Variants in NALF1 observed in about 807,000 individuals in gnomAD.
NALF1 encodes the protein NALCN channel auxiliary factor 1, also known as family with sequence similarity 155 member A.
NALF1 carries 3 observed loss-of-function variants against 48.4 expected under a neutral mutation model. The ratio of observed to expected loss-of-function variants is 0.06; its 90% confidence interval spans 0.03 to 0.16. The LOEUF is 0.16. Ranked by LOEUF, NALF1 falls within the 10% of genes least tolerant of loss-of-function variation. The pLI is 1.00. For synonymous variants in NALF1, 262 were observed against 245.7 expected, an observed-to-expected ratio of 1.07 and a Z score of -0.62; for missense variants, 526 against 571.5, an observed-to-expected ratio of 0.92 and a Z score of 0.81.
intron 1 of NALF1, among the ~76,000 whole-genome samples, chr13:107,447,287 G>A (rs1295695977): frequency 1.3e-5 from 2 of 151,740 alleles, no homozygotes; most frequent in Non-Finnish European, 2.9e-5. Flanking sequence ...AAGATCACTC[G>A]ATAATCTGGC....
intron 1 of NALF1, among the ~76,000 whole-genome samples, chr13:107,318,787 T>TA (rs2138911587): frequency 6.6e-6 from 1 of 152,200 alleles, no homozygotes; most frequent in African/African-American, 2.4e-5. Context: ...AGCAAAAAGA[T>TA]AGGGGCAAAC....
chr13:107,550,310 T>A (rs1362881383), intron 1 of NALF1, among the ~76,000 whole-genome samples: 3 of 152,172 alleles, frequency 2.0e-5, no homozygotes, highest in Non-Finnish European at 4.4e-5. Context: ...GGCTAAGGAC[T>A]TCTCTGTGCT....
Position 107,183,196 on chromosome 13 carries a change from C to T in NALF1, c.1088-12410G>A, listed in dbSNP as rs538146658. 4.5e-4 allele frequency among the ~76,000 whole-genome samples: 68 copies of T among 152,276 alleles called. 1 individual carries two copies. The South Asian group carries it at 0.014, about 31-fold the overall frequency. ...ATTTGCTGGGTCCCAGCGACACACC[C>T]CTGGGGGAACAAGTCCAGTTGGCTT... On this transcript the variant is annotated intron_variant, in intron 2 of 2. Transcript: ENST00000375915.
intron 1 of NALF1, among the ~76,000 whole-genome samples, chr13:107,488,220 C>T (rs1031664453): frequency 9.4e-5 from 14 of 148,388 alleles, no homozygotes; most frequent in African/African-American, 3.0e-4. Flanking sequence ...AAAAAAAAAA[C>T]ACCTCCTGAA....
chr13:107,381,206 T>A (rs1883433314), intron 1 of NALF1, among the ~76,000 whole-genome samples: 1 of 138,196 alleles, frequency 7.2e-6, no homozygotes, highest in African/African-American at 2.7e-5. Flanking sequence ...AAAATAGAGT[T>A]TTTTTTTTTT....
intron 1 of NALF1, among the ~76,000 whole-genome samples, chr13:107,271,153 T>C (rs1881156689): frequency 6.6e-6 from 1 of 152,176 alleles, no homozygotes; most frequent in Admixed American, 6.5e-5. Flanking sequence ...ACCACTGATG[T>C]TACTCTCAAG....
intron 1 of NALF1, among the ~76,000 whole-genome samples, chr13:107,359,898 C>T (rs1023851549): frequency 5.9e-5 from 9 of 152,132 alleles, no homozygotes; most frequent in Non-Finnish European, 1.2e-4. Flanking sequence ...TAGTATGCCA[C>T]ATCAGTTCTA....
At chr13:107,482,749 A>C (rs1249749272) in intron 1 of NALF1, among the ~76,000 whole-genome samples, 1 of 152,176 alleles carries the variant, frequency 6.6e-6, no homozygotes, top group African/African-American at 2.4e-5. Context: ...CATACACAGA[A>C]GGGAAACTGT....
chr13:107,838,543 A>T (rs1056133081), intron 1 of NALF1, among the ~76,000 whole-genome samples: 2 of 152,172 alleles, frequency 1.3e-5, no homozygotes, highest in Admixed American at 6.5e-5. Flanking sequence ...CGTACGTAAC[A>T]GGTAACTGGC....
intron 1 of NALF1, among the ~76,000 whole-genome samples, chr13:107,292,037 T>C (rs1193062333): frequency 1.3e-5 from 2 of 152,198 alleles, no homozygotes; most frequent in Non-Finnish European, 2.9e-5. Context: ...AGCACATTGT[T>C]GGGAATTCCA....
At position 107,521,515 on chromosome 13, in the gene NALF1, C is replaced by T. The variant is rs2794402; in HGVS notation, c.916-310760G>A. On this transcript the variant is annotated intron_variant, in intron 1 of 2. Transcript: ENST00000375915. ...CATACAAAACGGTATATTAAGTTGA[C>T]TATTATATCCCCCCTTATAAAGCAC... is the stretch of plus-strand genomic sequence containing the variant. Among the ~76,000 whole-genome samples, 1,067 of 152,214 alleles carry T rather than the reference C, an allele frequency of 7.0e-3. 18 individuals carry two copies. The highest frequency in any genetic ancestry group is 0.024 in the African/African-American group (1,006 of 41,540).
chr13:107,555,987 AATT>A (rs1198113848), intron 1 of NALF1, among the ~76,000 whole-genome samples: 1 of 152,112 alleles, frequency 6.6e-6, no homozygotes, highest in Non-Finnish European at 1.5e-5. Flanking sequence ...TTTACTATAA[AATT>A]ATTATTGAAT....
intron 1 of NALF1, among the ~76,000 whole-genome samples, chr13:107,380,818 A>G (rs1883422998): frequency 6.6e-6 from 1 of 151,652 alleles, no homozygotes; most frequent in Non-Finnish European, 1.5e-5. Context: ...CTCTACTAAA[A>G]ATACAAAAAA....
At chr13:107,723,691 G>A (rs1445666534) in intron 1 of NALF1, among the ~76,000 whole-genome samples, 1 of 152,114 alleles carries the variant, frequency 6.6e-6, no homozygotes, top group Non-Finnish European at 1.5e-5. Flanking sequence ...CTTTCTTAAC[G>A]ACCTCTTACA....
intron 1 of NALF1, among the ~76,000 whole-genome samples, chr13:107,675,078 C>G (rs1881081301): frequency 6.6e-6 from 1 of 152,134 alleles, no homozygotes; most frequent in Non-Finnish European, 1.5e-5. Flanking sequence ...AGATAGAGGC[C>G]AAGGAATTGG....
chr13:107,846,004 A>G (rs533428636), intron 1 of NALF1, among the ~76,000 whole-genome samples: 1 of 152,210 alleles, frequency 6.6e-6, no homozygotes, highest in East Asian at 1.9e-4. Context: ...AATAGTACCA[A>G]TCATAAGCAA....
intron 1 of NALF1, among the ~76,000 whole-genome samples, chr13:107,415,378 A>C (rs372008066): frequency 7.0e-6 from 1 of 142,062 alleles, no homozygotes; most frequent in East Asian, 2.1e-4. Flanking sequence ...ATAAGGAGAG[A>C]GTTTTTTTTT....
At chr13:107,490,106 GA>G (rs1225491846) in intron 1 of NALF1, among the ~76,000 whole-genome samples, 1 of 152,140 alleles carries the variant, frequency 6.6e-6, no homozygotes, top group Non-Finnish European at 1.5e-5. Flanking sequence ...GGAGAAAAAG[GA>G]ACGCTTATAC....
chr13:107,251,228 G>A (rs1002960812), intron 1 of NALF1, among the ~76,000 whole-genome samples: 2 of 152,130 alleles, frequency 1.3e-5, no homozygotes, highest in African/African-American at 4.8e-5. Flanking sequence ...TCCTCCCCAA[G>A]TCAGTTAAGA....
Sources: allele counts gnomAD v4.1 joint callset (sites outside exome capture counted in the v4.1 genomes callset), GRCh38; gene constraint gnomAD v4.1.1; transcripts MANE v1.5; gene names NCBI Gene and HGNC (gene_info 2026-07-23, HGNC 2026-07-21).